MYH16: variants seen among roughly 807,000 people sequenced by gnomAD.
MYH16 encodes putative uncharacterized protein MYH16.
intron 27 of MYH16, 57 bp downstream of exon 9, chr7:99,285,495 C>A (rs1792265511): frequency 4.4e-6 from 2 of 455,558 alleles, no homozygotes; most frequent in Non-Finnish European, 8.8e-6. Context: ...AGTCACACAT[C>A]CAACCATGAA....
At chr7:99,262,148 ATAAT>A (rs1311329699) in intron 13 of MYH16, among the ~76,000 whole-genome samples, 1 of 152,076 alleles carries the variant, frequency 6.6e-6, no homozygotes, top group African/African-American at 2.4e-5. Context: ...TTGCATTTGC[ATAAT>A]TAATAGGGGA....
intron 8 of MYH16, among the ~76,000 whole-genome samples, chr7:99,254,761 C>G (rs908951903): frequency 1.3e-5 from 2 of 152,240 alleles, no homozygotes; most frequent in African/African-American, 4.8e-5. Context: ...CCATTCCCCA[C>G]CCACAGGTGG....
chr7:99,302,311 A>AATAT lies in MYH16; in HGVS notation n.5137+511_5137+514dup, dbSNP rs1554340309. The stretch of plus-strand genomic sequence containing the variant: ...AGAGTGACCATCTCAAAAAAAAAAA[A>AATAT]ATATATACACACACACACACACACA... On this transcript the variant is annotated intron_variant and non_coding_transcript_variant, in intron 38 of 41. Coordinates refer to ENST00000439784, the Ensembl canonical transcript of MYH16. Among the ~76,000 whole-genome samples the AATAT allele has an allele frequency of 3.2e-4, 35 of 109,568 alleles. 3 individuals carry two copies. Among genetic ancestry groups the AATAT allele is most frequent in the African/African-American group, 1.5e-3 (33 of 21,974 alleles). 71.9% of individuals were successfully genotyped at this position (109,568 alleles called of 152,430 possible). A position where few individuals can be genotyped will look rare whatever the true frequency, so the allele number is the denominator to read the frequency against.
intron 38 of MYH16, among the ~76,000 whole-genome samples, chr7:99,302,403 A>G (rs1425544994): frequency 6.6e-6 from 1 of 150,618 alleles, no homozygotes; most frequent in Non-Finnish European, 1.5e-5. Flanking sequence ...CATCTCTACT[A>G]AAAATACAAT....
At chr7:99,296,059 G>A (rs534170397) in intron 33 of MYH16, among the ~76,000 whole-genome samples, 24 of 149,000 alleles carry the variant, frequency 1.6e-4, no homozygotes, top group African/African-American at 6.0e-4. Context: ...CAGGATAATC[G>A]CTTGAACCCA....
chr7:99,297,634 T>A (rs368973840), intron 34 of MYH16, 26 bp from the exon 16 acceptor site: 2 of 453,290 alleles, frequency 4.4e-6, no homozygotes, highest in Non-Finnish European at 8.9e-6. Flanking sequence ...TGCCGAGTCT[T>A]ATTAACATGA....
At chr7:99,278,311 A>G (rs1171630616) in intron 21 of MYH16, among the ~76,000 whole-genome samples, 1 of 152,140 alleles carries the variant, frequency 6.6e-6, no homozygotes, top group Non-Finnish European at 1.5e-5. Flanking sequence ...ACCTGCAGGG[A>G]AAGTCCAGGG....
At chr7:99,300,584 C>T (rs1792576200) in intron 37 of MYH16, among the ~76,000 whole-genome samples, 2 of 152,150 alleles carry the variant, frequency 1.3e-5, no homozygotes, top group Non-Finnish European at 2.9e-5. Context: ...GAGAGGATTG[C>T]TTGACGCCAG....
chr7:99,288,099 G>T lies in MYH16; in HGVS notation n.3668G>T, dbSNP rs114121577. 7.9e-3 allele frequency: 3,592 copies of T among 456,718 alleles called. 105 individuals carry two copies. The highest frequency in any genetic ancestry group is 0.061 in the African/African-American group (3,079 of 50,206). The allele number at this position is 456,718 out of a possible 1,614,324, so 28.3% of individuals were successfully genotyped here. A position where few individuals can be genotyped will look rare whatever the true frequency, so the allele number is the denominator to read the frequency against. Reference sequence around the variant, plus strand: ...ACAGGTCATGAAGGCTGAGATTGATGACCTCAATGCCAGCATGGAGACGAT... The same window carrying T: ...ACAGGTCATGAAGGCTGAGATTGATTACCTCAATGCCAGCATGGAGACGAT... On this transcript the variant is annotated non_coding_transcript_exon_variant, in exon 29 of 42. Coordinates refer to ENST00000439784, the Ensembl canonical transcript of MYH16.
intron 27 of MYH16, among the ~76,000 whole-genome samples, chr7:99,286,213 G>A (rs968993346): frequency 3.9e-5 from 6 of 152,244 alleles, no homozygotes; most frequent in Admixed American, 6.5e-5. Flanking sequence ...ACTTGAGACC[G>A]GGAGACCAGC....
chr7:99,263,550 C>T (rs1266661405), intron 14 of MYH16: 1 of 152,592 alleles, frequency 6.6e-6, no homozygotes, highest in South Asian at 2.1e-4. Flanking sequence ...CTCTTTGATT[C>T]AACTCTTGTG....
chr7:99,249,593 T>G (rs1303597829), intron 4 of MYH16, among the ~76,000 whole-genome samples: 1 of 147,972 alleles, frequency 6.8e-6, no homozygotes, highest in African/African-American at 2.5e-5. Flanking sequence ...TTTTTTTTTT[T>G]TTTTGAGATG....
exon 34 of MYH16, chr7:99,296,780 A>G (rs1409013779): frequency 1.1e-5 from 5 of 456,500 alleles, no homozygotes; most frequent in Non-Finnish European, 2.2e-5. Context: ...CAGAAGTGTG[A>G]GGAGTTGCAG....
intron 37 of MYH16, among the ~76,000 whole-genome samples, chr7:99,300,373 A>G (rs1703973493): frequency 6.6e-6 from 1 of 151,848 alleles, no homozygotes; most frequent in South Asian, 2.1e-4. Context: ...AATAAACACA[A>G]ACAGAGCTGA....
chr7:99,277,491 C>T (rs1453033716), intron 20 of MYH16, 48 bp from the exon 3 acceptor site: 3 of 435,500 alleles, frequency 6.9e-6, no homozygotes, highest in Admixed American at 2.4e-5. Context: ...GTCTACCCCC[C>T]AGCAAACCCC....
intron 12 of MYH16, chr7:99,260,359 T>C (rs866843116): frequency 4.8e-5 from 54 of 1,121,580 alleles, no homozygotes; most frequent in Middle Eastern, 5.1e-4. Context: ...AAAGGAGGGA[T>C]TGGAGAGAGG....
At chr7:99,295,995 A>G (rs1792484571) in intron 33 of MYH16, among the ~76,000 whole-genome samples, 1 of 151,840 alleles carries the variant, frequency 6.6e-6, no homozygotes, top group African/African-American at 2.4e-5. Flanking sequence ...TACAAAAAGT[A>G]GCCGGACGTG....
At chr7:99,286,701 G>A (rs1213034038) in intron 28 of MYH16, among the ~76,000 whole-genome samples, 1 of 152,126 alleles carries the variant, frequency 6.6e-6, no homozygotes. Context: ...GCTCACGCCT[G>A]TAATCCCAAC....
chr7:99,275,116 C>G (rs1792094290), intron 20 of MYH16, among the ~76,000 whole-genome samples: 1 of 152,126 alleles, frequency 6.6e-6, no homozygotes, highest in Non-Finnish European at 1.5e-5. Context: ...ACCTCAGCCT[C>G]CCGAATAGCT....
Sources: gnomAD v4.1 joint callset for allele counts (sites outside exome capture counted in the v4.1 genomes callset) on GRCh38, gnomAD v4.1.1 for gene constraint, MANE v1.5 for transcripts, NCBI Gene and HGNC (gene_info 2026-07-23, HGNC 2026-07-21) for gene names.